The following TRIM49D1 variants were observed in gnomAD, a reference collection of about 807,000 sequenced individuals.
TRIM49D1 encodes tripartite motif-containing protein 49D.
rs1170729977 is a variant in TRIM49D1 at position 89,912,423 on chromosome 11, T to C, written c.860-337A>G. On this transcript the variant is annotated intron_variant, in intron 7 of 7. Coordinates refer to ENST00000420869, the MANE Select transcript of TRIM49D1 (RefSeq NM_001384911.1). ...TTATGTGCCCTAAATGCTATGCTGTTATCAAGATCATTATTTAGAAATGTT... is the reference window on the plus strand; with the variant it reads ...TTATGTGCCCTAAATGCTATGCTGTCATCAAGATCATTATTTAGAAATGTT... Among the ~76,000 whole-genome samples, 3 of 149,560 alleles carry C rather than the reference T, an allele frequency of 2.0e-5. No individual in the cohort carries two copies. The East Asian group carries it at 5.9e-4, about 30-fold the overall frequency.
At chr11:89,912,317 G>A (rs1950319825) in intron 7 of TRIM49D1, among the ~76,000 whole-genome samples, 1 of 148,954 alleles carries the variant, frequency 6.7e-6, no homozygotes, top group African/African-American at 2.4e-5. Flanking sequence ...AGATATTAAA[G>A]ATGTTTTGAA....
At chr11:89,921,519 CA>C (rs1950332225) in intron 1 of TRIM49D1, 1 of 151,968 alleles carries the variant, frequency 6.6e-6, no homozygotes, top group Non-Finnish European at 1.5e-5. Context: ...ACAGTGAAGA[CA>C]AATCTGTCAG....
Position 89,922,215 on chromosome 11 carries a change from G to C in TRIM49D1, c.-579C>G, listed in dbSNP as rs1230160565. On this transcript the variant is annotated 5_prime_UTR_variant, in exon 1 of 8. Coordinates refer to ENST00000420869, the MANE Select transcript of TRIM49D1 (RefSeq NM_001384911.1). ...GGAGTATGGGGATGTAATGCTCAGG[G>C]GCCAGACAGTCGGCTGCAGCAGCAC... 2.0e-5 allele frequency among the ~76,000 whole-genome samples: 3 copies of C among 151,898 alleles called. No homozygotes were observed. The highest frequency in any genetic ancestry group is 7.3e-5 in the African/African-American group (3 of 41,264).
At chr11:89,921,743 T>C (rs1370939304) in intron 1 of TRIM49D1, 109 bp downstream of exon 1, 1 of 152,004 alleles carries the variant, frequency 6.6e-6, no homozygotes, top group Non-Finnish European at 1.5e-5. Context: ...TGGTCCAAAG[T>C]CATTAGGGGG....
intron 1 of TRIM49D1, 41 bp from the exon 2 acceptor site, chr11:89,920,550 T>A: frequency 5.0e-6 from 1 of 201,892 alleles, no homozygotes; most frequent in Non-Finnish European, 9.9e-6. Context: ...GAGAATAAGA[T>A]GATTAGGTTT....
chr11:89,921,710 C>T (rs564087899), intron 1 of TRIM49D1, 142 bp downstream of exon 1: 1 of 151,960 alleles, frequency 6.6e-6, no homozygotes, highest in East Asian at 1.9e-4. Flanking sequence ...TGGCTGGATC[C>T]CAATGGTCAG....
chr11:89,920,888 C>T (rs961968408), intron 1 of TRIM49D1, among the ~76,000 whole-genome samples: 19 of 152,032 alleles, frequency 1.2e-4, no homozygotes, highest in African/African-American at 3.9e-4. Context: ...TCAAACCATC[C>T]CACCTGGCTA....
intron 1 of TRIM49D1, among the ~76,000 whole-genome samples, chr11:89,920,919 A>G (rs926061542): frequency 5.3e-5 from 8 of 151,976 alleles, no homozygotes; most frequent in African/African-American, 1.7e-4. Flanking sequence ...AAAACTTTTC[A>G]TAGAGTCAGG....
intron 1 of TRIM49D1, 100 bp downstream of exon 1, chr11:89,921,752 G>A (rs1392275069): frequency 2.6e-5 from 4 of 152,014 alleles, no homozygotes. Flanking sequence ...GTCATTAGGG[G>A]GCAACTGGAA....
At chr11:89,920,887 C>G (rs1950327816) in intron 1 of TRIM49D1, among the ~76,000 whole-genome samples, 1 of 152,008 alleles carries the variant, frequency 6.6e-6, no homozygotes, top group Non-Finnish European at 1.5e-5. Flanking sequence ...CTCAAACCAT[C>G]CCACCTGGCT....
Position 89,911,488 on chromosome 11 carries a change from CAG to C in TRIM49D1, c.*97_*98del. 3.3e-6 allele frequency: 2 copies of C among 597,870 alleles called. No homozygotes were observed. The highest frequency in any genetic ancestry group is 3.0e-6 in the Non-Finnish European group (1 of 334,136). The allele number at this position is 597,870 out of a possible 1,614,324, so 37.0% of individuals were successfully genotyped here. The stretch of plus-strand genomic sequence containing the variant: ...TTAGAATGCAATTCAAGACATAAAA[CAG>C]AACGTATTTGTCCTGTTTGATAAGG... On this transcript the variant is annotated 3_prime_UTR_variant, in exon 8 of 8. Coordinates refer to ENST00000420869, the MANE Select transcript of TRIM49D1 (RefSeq NM_001384911.1).
Position 89,921,879 on chromosome 11 carries a change from A to T in TRIM49D1, c.-243T>A, listed in dbSNP as rs1034285125. 2 of 152,110 alleles carry T rather than the reference A, an allele frequency of 1.3e-5. No homozygotes were observed. The highest frequency in any genetic ancestry group is 4.8e-5 in the African/African-American group (2 of 41,376). 9.4% of individuals were successfully genotyped at this position (152,110 alleles called of 1,614,324 possible). Reference sequence around the variant, plus strand: ...GAGTACACTTGCTAGTTACAAGAGCAGGACCTTTCGTTACATCTGCAAAAT... The same window carrying T: ...GAGTACACTTGCTAGTTACAAGAGCTGGACCTTTCGTTACATCTGCAAAAT... On this transcript the variant is annotated 5_prime_UTR_variant, in exon 1 of 8. Coordinates refer to ENST00000420869, the MANE Select transcript of TRIM49D1 (RefSeq NM_001384911.1).
In TRIM49D1 at chr11:89,921,240, C is replaced by T. The variant is rs546113691; in HGVS notation, c.-216+612G>A. On this transcript the variant is annotated intron_variant, in intron 1 of 7. Transcript: ENST00000420869. ...GTTATTATTTTAATGCTTTTCTCCA[C>T]ATGGTGCATGATGTTCTGCCATGAC... 2.0e-4 allele frequency among the ~76,000 whole-genome samples: 31 copies of T among 152,132 alleles called. 1 individual carries two copies. In the East Asian group the frequency reaches 6.0e-3, roughly 29 times the overall value.
intron 1 of TRIM49D1, chr11:89,921,547 G>T (rs1281739039): frequency 6.6e-6 from 1 of 151,940 alleles, no homozygotes; most frequent in Non-Finnish European, 1.5e-5. Flanking sequence ...GTCTGTCAAG[G>T]TTCAAAAATC....
At chr11:89,920,776 CT>C (rs1250555814) in intron 1 of TRIM49D1, among the ~76,000 whole-genome samples, 1 of 152,012 alleles carries the variant, frequency 6.6e-6, no homozygotes, top group Non-Finnish European at 1.5e-5. Context: ...AAACTGTCTG[CT>C]TGTGGAGTGC....
chr11:89,912,833 A>ATG, intron 7 of TRIM49D1, among the ~76,000 whole-genome samples: 1 of 3,828 alleles, frequency 2.6e-4, no homozygotes, highest in African/African-American at 1.1e-3. Flanking sequence ...ATTCCCCAAA[A>ATG]GAACAGTTCT....
intron 7 of TRIM49D1, among the ~76,000 whole-genome samples, chr11:89,912,308 G>A (rs1189876706): frequency 6.7e-6 from 1 of 148,558 alleles, no homozygotes; most frequent in Non-Finnish European, 1.5e-5. Flanking sequence ...GCTAACCACA[G>A]ATATTAAAGA....
chr11:89,912,391 T>G (rs1244970819), intron 7 of TRIM49D1, among the ~76,000 whole-genome samples: 1 of 149,476 alleles, frequency 6.7e-6, no homozygotes, highest in Admixed American at 6.7e-5. Flanking sequence ...AAAGCAAAAT[T>G]TGCACATTAT....
At chr11:89,920,728 C>A (rs534750121) in intron 1 of TRIM49D1, among the ~76,000 whole-genome samples, 23 of 152,072 alleles carry the variant, frequency 1.5e-4, no homozygotes, top group Admixed American at 3.9e-4. Flanking sequence ...ATCCAAGATA[C>A]AGGCATTCCT....
Sources: gnomAD v4.1 joint callset for allele counts (sites outside exome capture counted in the v4.1 genomes callset) on GRCh38, gnomAD v4.1.1 for gene constraint, MANE v1.5 for transcripts, NCBI Gene and HGNC (gene_info 2026-07-23, HGNC 2026-07-21) for gene names.